Variants in FSTL4 observed in about 807,000 individuals in gnomAD.
FSTL4 encodes follistatin-related protein 4.
A neutral mutation model predicts 78.2 loss-of-function variants in FSTL4; 28 were observed. The observed-to-expected ratio is 0.36, with a 90% CI of 0.27 to 0.49. The LOEUF is 0.49. Ranked by LOEUF, FSTL4 falls within the 20% of genes least tolerant of loss-of-function variation. FSTL4 has a pLI of 0.98. For synonymous variants in FSTL4, 422 were observed against 440.5 expected (o/e 0.96, Z 0.53); for missense variants, 922 against 1,084.9 (o/e 0.85, Z 2.11).
chr5:133,606,386 C>T (rs1299598015), intron 1 of FSTL4, among the ~76,000 whole-genome samples: 2 of 152,182 alleles, frequency 1.3e-5, no homozygotes, highest in East Asian at 3.8e-4. Flanking sequence ...TCCCAAAGTG[C>T]TGGTATTATA....
At chr5:133,339,965 G>A (rs17166601) in intron 4 of FSTL4, among the ~76,000 whole-genome samples, 22,623 of 152,180 alleles carry the variant, frequency 0.15, 1,913 homozygotes, top group East Asian at 0.37. Flanking sequence ...TGGAGTCACT[G>A]TGGTTTGAGA....
chr5:133,670,546 T>C, the FSTL4 span, among the ~76,000 whole-genome samples: 1 of 152,216 alleles, frequency 6.6e-6, no homozygotes, highest in African/African-American at 2.4e-5. Context: ...CAGCAACATT[T>C]CCACCCTGTG....
intron 2 of FSTL4, among the ~76,000 whole-genome samples, chr5:133,595,888 C>A (rs538364607): frequency 6.6e-6 from 1 of 152,198 alleles, no homozygotes; most frequent in East Asian, 1.9e-4. Flanking sequence ...TTTTAGCCTC[C>A]GGGGCCCTCT....
the FSTL4 span, among the ~76,000 whole-genome samples, chr5:133,781,345 G>A: frequency 5.3e-5 from 8 of 149,818 alleles, no homozygotes; most frequent in Admixed American, 4.0e-4. Flanking sequence ...TTCCAAACAA[G>A]GTCACTGATT....
At chr5:133,360,978 C>T (rs1755056434) in intron 4 of FSTL4, among the ~76,000 whole-genome samples, 1 of 152,328 alleles carries the variant, frequency 6.6e-6, no homozygotes, top group Non-Finnish European at 1.5e-5. Context: ...GAGAATAAAA[C>T]TGTTCAATCA....
chr5:133,664,200 G>A, the FSTL4 span, among the ~76,000 whole-genome samples: 2 of 152,092 alleles, frequency 1.3e-5, no homozygotes, highest in Non-Finnish European at 2.9e-5. Context: ...AGGCAATCAG[G>A]GGACCCATTC....
intron 4 of FSTL4, among the ~76,000 whole-genome samples, chr5:133,354,925 T>C (rs1235643649): frequency 6.6e-6 from 1 of 152,256 alleles, no homozygotes; most frequent in African/African-American, 2.4e-5. Flanking sequence ...GGCCTAGGCC[T>C]GCTCTGTGCC....
chr5:133,737,521 G>A, the FSTL4 span, among the ~76,000 whole-genome samples: 1 of 151,784 alleles, frequency 6.6e-6, no homozygotes. Context: ...TGGACACTTA[G>A]GCTGCTTCCA....
intron 4 of FSTL4, among the ~76,000 whole-genome samples, chr5:133,348,868 G>C (rs1754757571): frequency 6.6e-6 from 1 of 152,196 alleles, no homozygotes; most frequent in African/African-American, 2.4e-5. Context: ...CTGGAACAGA[G>C]AAACTGCCTG....
chr5:133,792,533 C>T, the FSTL4 span, among the ~76,000 whole-genome samples: 4 of 152,238 alleles, frequency 2.6e-5, no homozygotes, highest in African/African-American at 9.6e-5. Flanking sequence ...CATCCATGCA[C>T]ATCCATGTAG....
the FSTL4 span, among the ~76,000 whole-genome samples, chr5:133,772,096 T>G: frequency 1.3e-5 from 2 of 152,168 alleles, no homozygotes; most frequent in Non-Finnish European, 2.9e-5. Flanking sequence ...TTTTGCCAGG[T>G]AAGTAAGTTG....
At chr5:133,335,073 C>T (rs1018556041) in intron 4 of FSTL4, among the ~76,000 whole-genome samples, 5 of 152,322 alleles carry the variant, frequency 3.3e-5, no homozygotes, top group South Asian at 2.1e-4. Context: ...GCAAGGCTCC[C>T]GAAACACCTG....
the FSTL4 span, among the ~76,000 whole-genome samples, chr5:133,747,839 G>A: frequency 6.6e-6 from 1 of 152,152 alleles, no homozygotes; most frequent in Non-Finnish European, 1.5e-5. Flanking sequence ...CTGGAGGATG[G>A]TTTTAGACAG....
chr5:133,552,806 T>C (rs1235965412), intron 3 of FSTL4, among the ~76,000 whole-genome samples: 2 of 152,110 alleles, frequency 1.3e-5, no homozygotes, highest in Non-Finnish European at 2.9e-5. Flanking sequence ...TCAACGAAAG[T>C]TCAGCTGTTC....
rs145740434 is a variant in FSTL4 at position 133,498,156 on chromosome 5, C to T, written c.160+69030G>A. Reference sequence around the variant, plus strand: ...TGCAAATGAGACTTCCAGATAAATCCTCAGGTGCCTCACCGCACGGTGACT... The same window carrying T: ...TGCAAATGAGACTTCCAGATAAATCTTCAGGTGCCTCACCGCACGGTGACT... On this transcript the variant is annotated intron_variant, in intron 3 of 15. Transcript: ENST00000265342. Among the ~76,000 whole-genome samples the T allele has an allele frequency of 7.9e-5, 12 of 152,298 alleles. No homozygotes were observed. The East Asian group carries it at 2.3e-3, about 29-fold the overall frequency.
chr5:133,744,207 A>C, the FSTL4 span, among the ~76,000 whole-genome samples: 1 of 152,240 alleles, frequency 6.6e-6, no homozygotes, highest in African/African-American at 2.4e-5. Flanking sequence ...GATGATCTTA[A>C]ATGCCAAAGC....
At chr5:133,678,684 T>C in the FSTL4 span, among the ~76,000 whole-genome samples, 1 of 152,134 alleles carries the variant, frequency 6.6e-6, no homozygotes, top group Non-Finnish European at 1.5e-5. Context: ...GAGTTTGGAC[T>C]TCAGGGAGAG....
At chr5:133,749,260 T>C in the FSTL4 span, among the ~76,000 whole-genome samples, 1 of 152,082 alleles carries the variant, frequency 6.6e-6, no homozygotes, top group African/African-American at 2.4e-5. Context: ...CCAAAGTGGA[T>C]GGAGTTAAGG....
At chr5:133,798,579 G>A in the FSTL4 span, among the ~76,000 whole-genome samples, 2 of 151,944 alleles carry the variant, frequency 1.3e-5, no homozygotes, top group Middle Eastern at 3.4e-3. Context: ...AGAAACAAGG[G>A]ACGCCATGTA....
Sources: gnomAD v4.1 joint callset for allele counts (sites outside exome capture counted in the v4.1 genomes callset) on GRCh38, gnomAD v4.1.1 for gene constraint, MANE v1.5 for transcripts, NCBI Gene and HGNC (gene_info 2026-07-23, HGNC 2026-07-21) for gene names.